The following HIVEP1 variants were observed in gnomAD, a reference collection of about 807,000 sequenced individuals.
The protein encoded by HIVEP1 is HIVEP zinc finger 1.
A neutral mutation model predicts 180.0 loss-of-function variants in HIVEP1; 36 were observed. That is an observed-to-expected ratio of 0.20 (90% CI 0.15 to 0.26). The LOEUF (loss-of-function observed/expected upper bound fraction) is 0.26. HIVEP1 is among the 10% of genes least tolerant of loss of function. The probability of loss-of-function intolerance (pLI) is 1.00; values close to 1 mark genes in which losing one functional copy is unlikely to be tolerated. For synonymous variants in HIVEP1, 1,239 were observed against 1,239.0 expected, an observed-to-expected ratio of 1.00 and a Z score of 0.00; for missense variants, 3,143 against 3,268.7, an observed-to-expected ratio of 0.96 and a Z score of 0.94.
At chr6:12,064,943 C>G (rs899568223) in intron 2 of HIVEP1, among the ~76,000 whole-genome samples, 3 of 152,172 alleles carry the variant, frequency 2.0e-5, no homozygotes, top group Non-Finnish European at 4.4e-5. Flanking sequence ...TGAGCATATG[C>G]TGTGTTTCTA....
At position 12,123,554 on chromosome 6, in the gene HIVEP1, T is replaced by C. The variant is rs1757841548; in HGVS notation, c.3759T>C (p.Asp1253=). 6.2e-7 allele frequency: 1 copy of C among 1,614,084 alleles called. No individual in the cohort carries two copies. The highest frequency in any genetic ancestry group is 8.5e-7 in the Non-Finnish European group (1 of 1,180,022). Residue 1253 remains aspartate, a synonymous_variant, in exon 4 of 9, where the codon GAT becomes GAC. Coordinates refer to ENST00000379388, the MANE Select transcript of HIVEP1 (RefSeq NM_002114.4). ...GAGACCTGGAAGCTCAATGCCATGA[T>C]CAAGAAAAGTCAGAGAAGTTCAGTT... is the stretch of plus-strand genomic sequence containing the variant. ...PDRDLEAQCH[D]QEKSEKFSWP...
chr6:12,053,660 G>C (rs960788763), intron 2 of HIVEP1, among the ~76,000 whole-genome samples: 2 of 152,046 alleles, frequency 1.3e-5, no homozygotes, highest in African/African-American at 4.8e-5. Flanking sequence ...GGTGGGATAG[G>C]GGGATGCTCT....
intron 2 of HIVEP1, among the ~76,000 whole-genome samples, chr6:12,059,168 A>G (rs1390589414): frequency 6.6e-6 from 1 of 152,046 alleles, no homozygotes; most frequent in African/African-American, 2.4e-5. Context: ...CATGTTTATA[A>G]CCACTTACAG....
At chr6:12,113,569 G>T (rs569535370) in intron 3 of HIVEP1, among the ~76,000 whole-genome samples, 13 of 152,238 alleles carry the variant, frequency 8.5e-5, no homozygotes, top group African/African-American at 2.9e-4. Flanking sequence ...GAAGAACTTG[G>T]TGATGATCTG....
chr6:12,075,325 GT>G (rs1207811754), intron 2 of HIVEP1, among the ~76,000 whole-genome samples: 5 of 152,194 alleles, frequency 3.3e-5, no homozygotes, highest in Admixed American at 6.5e-5. Flanking sequence ...TCTAGAAATT[GT>G]TTTCTATTCT....
Position 12,125,795 on chromosome 6 carries a change from C to T in HIVEP1, c.6000C>T (p.Tyr2000=), listed in dbSNP as rs35509237. 2,345 of 1,613,794 alleles carry T rather than the reference C, an allele frequency of 1.5e-3. 8 individuals are homozygous for T. The highest frequency in any genetic ancestry group is 2.7e-3 in the South Asian group (242 of 91,070). Residue 2000 remains tyrosine (Y), a synonymous_variant, in exon 4 of 9, where the codon TAC becomes TAT. Coordinates refer to ENST00000379388, the MANE Select transcript of HIVEP1 (RefSeq NM_002114.4). Reference sequence around the variant, plus strand: ...AACAGAACACTGGAAAATCACTATACTGTCAAGCAATAACTACCCATTCCA... The same window carrying T: ...AACAGAACACTGGAAAATCACTATATTGTCAAGCAATAACTACCCATTCCA... The part of the protein sequence containing the change: ...NSKQNTGKSL[Y]CQAITTHSKS...
chr6:12,020,410 A>C (rs1048232586), intron 2 of HIVEP1: 3 of 470,924 alleles, frequency 6.4e-6, no homozygotes, highest in Non-Finnish European at 1.3e-5. Context: ...GCTCTTCCGC[A>C]TGGTCTTGGT....
At chr6:12,040,313 A>T (rs1012699014) in intron 2 of HIVEP1, among the ~76,000 whole-genome samples, 1 of 152,334 alleles carries the variant, frequency 6.6e-6, no homozygotes, top group Non-Finnish European at 1.5e-5. Context: ...CAAAAATAAG[A>T]ATAATTTAAA....
intron 6 of HIVEP1, among the ~76,000 whole-genome samples, chr6:12,132,508 C>T (rs1758478039): frequency 6.6e-6 from 1 of 152,042 alleles, no homozygotes; most frequent in African/African-American, 2.4e-5. Context: ...ATGTGGTAAA[C>T]CAAATGAAAC....
At chr6:12,144,922 G>A (rs1286765976) in intron 7 of HIVEP1, among the ~76,000 whole-genome samples, 1 of 152,180 alleles carries the variant, frequency 6.6e-6, no homozygotes, top group Non-Finnish European at 1.5e-5. Flanking sequence ...ACTATTGGTG[G>A]GAGTGTAAAC....
the HIVEP1 span, among the ~76,000 whole-genome samples, chr6:12,194,152 G>A: frequency 6.6e-6 from 1 of 152,164 alleles, no homozygotes. Flanking sequence ...ATGTTGAAAT[G>A]TAAATATTTT....
At chr6:12,207,491 T>C in the HIVEP1 span, among the ~76,000 whole-genome samples, 2 of 152,146 alleles carry the variant, frequency 1.3e-5, no homozygotes. Context: ...GCTATTGAAT[T>C]CCTGCAGTTT....
At chr6:12,042,324 A>G (rs1299792045) in intron 2 of HIVEP1, among the ~76,000 whole-genome samples, 1 of 129,248 alleles carries the variant, frequency 7.7e-6, no homozygotes, top group East Asian at 2.2e-4. Flanking sequence ...CTCATGATCC[A>G]CCCGCCTCGG....
intron 2 of HIVEP1, among the ~76,000 whole-genome samples, chr6:12,056,837 G>GT (rs1377997296): frequency 6.7e-6 from 1 of 149,508 alleles, no homozygotes; most frequent in Non-Finnish European, 1.5e-5. Context: ...ATGGTTTTTT[G>GT]TTTTTGTTTT....
chr6:12,140,610 C>G (rs933672349), intron 7 of HIVEP1, among the ~76,000 whole-genome samples: 1 of 152,158 alleles, frequency 6.6e-6, no homozygotes, highest in African/African-American at 2.4e-5. Context: ...TGCAAGGAAG[C>G]TAAAAACCTT....
upstream of HIVEP1, among the ~76,000 whole-genome samples, chr6:12,009,990 C>G (rs1320593315): frequency 4.6e-5 from 7 of 152,244 alleles, no homozygotes; most frequent in Admixed American, 4.6e-4. Context: ...GCATTTTTCA[C>G]TTCCAAAGTG....
chr6:12,095,939 A>T (rs73724354), intron 3 of HIVEP1, among the ~76,000 whole-genome samples: 9,251 of 152,104 alleles, frequency 0.061, 322 homozygotes, highest in Admixed American at 0.12. Flanking sequence ...TGAGATTATG[A>T]TAGCAGTCAC....
At chr6:12,014,298 A>G (rs1767598346) in intron 1 of HIVEP1, among the ~76,000 whole-genome samples, 1 of 152,218 alleles carries the variant, frequency 6.6e-6, no homozygotes, top group African/African-American at 2.4e-5. Flanking sequence ...CAGCTCCACA[A>G]AATAAGCACT....
rs539555538 is a variant in HIVEP1 at position 12,161,790 on chromosome 6, G to C, written c.6839G>C (p.Arg2280Pro). 3 of 1,614,172 alleles carry C rather than the reference G, an allele frequency of 1.9e-6. No homozygotes were observed. Among genetic ancestry groups the C allele is most frequent in the Admixed American group, 3.3e-5 (2 of 60,032 alleles). ...CTCTCTCCGGGGAAGGCCAGGCAGC[G>C]TGCTGCGAGAGATGAAAACGACACA... ...KTLSPGKARQRAARDENDTIP... is the reference protein window; with the variant it reads ...KTLSPGKARQPAARDENDTIP... Residue 2280 changes from arginine (R) to proline (P), a missense_variant, in exon 8 of 9, where the codon CGT becomes CCT. Arg to Pro is a moderately radical substitution (Grantham distance 103). Coordinates refer to ENST00000379388, the MANE Select transcript of HIVEP1 (RefSeq NM_002114.4).
Sources: gnomAD v4.1 joint callset for allele counts (sites outside exome capture counted in the v4.1 genomes callset) on GRCh38, gnomAD v4.1.1 for gene constraint, MANE v1.5 for transcripts, NCBI Gene and HGNC (gene_info 2026-07-23, HGNC 2026-07-21) for gene names.